The following CTNNA3 variants were observed in gnomAD, a reference collection of about 807,000 sequenced individuals.
CTNNA3 encodes catenin alpha 3.
In CTNNA3, 76 loss-of-function variants were observed where a neutral mutation model predicts 95.7. The observed-to-expected ratio is 0.79, with a 90% CI of 0.66 to 0.96. The LOEUF is 0.96. Among genes scored for constraint, CTNNA3 ranks in the 40% least tolerant of loss-of-function variants. CTNNA3 has a pLI of 0.00. For synonymous variants in CTNNA3, 431 were observed against 374.4 expected (o/e 1.15, Z -1.74); for missense variants, 1,191 against 1,089.8 (o/e 1.09, Z -1.31).
chr10:66,121,476 A>G (rs770434660), intron 13 of CTNNA3, among the ~76,000 whole-genome samples: 3 of 152,098 alleles, frequency 2.0e-5, no homozygotes, highest in Non-Finnish European at 4.4e-5. Flanking sequence ...ATACACACAC[A>G]CACACACTAT....
At chr10:66,994,119 A>G (rs1270639624) in intron 7 of CTNNA3, among the ~76,000 whole-genome samples, 1 of 152,204 alleles carries the variant, frequency 6.6e-6, no homozygotes, top group Non-Finnish European at 1.5e-5. Context: ...AGTAGCATTC[A>G]TGTAGTAAGT....
At chr10:66,430,161 A>G (rs978950214) in intron 11 of CTNNA3, among the ~76,000 whole-genome samples, 1 of 146,820 alleles carries the variant, frequency 6.8e-6, no homozygotes, top group African/African-American at 2.6e-5. Flanking sequence ...CAATTGCTTC[A>G]AAGAGAATGA....
chr10:66,620,892 G>T (rs1408108752), intron 10 of CTNNA3, among the ~76,000 whole-genome samples: 1 of 152,072 alleles, frequency 6.6e-6, no homozygotes, highest in Non-Finnish European at 1.5e-5. Flanking sequence ...CCTAATCTTT[G>T]TTATTTTTCT....
rs950234060 is a variant in CTNNA3, at chr10:66,760,244, A to G, written c.1281+6020T>C. ...GTCCCTTTCCTGGTGAGAAGCTACCACAGTTCTCCAGATATGTTACTGCCA... is the reference window on the plus strand; with the variant it reads ...GTCCCTTTCCTGGTGAGAAGCTACCGCAGTTCTCCAGATATGTTACTGCCA... On this transcript the variant is annotated intron_variant, in intron 9 of 17. Transcript: ENST00000433211. Among the ~76,000 whole-genome samples the G allele has an allele frequency of 2.0e-5, 3 of 152,282 alleles. No individual in the cohort carries two copies. In the East Asian group the frequency reaches 5.8e-4, roughly 29 times the overall value.
intron 17 of CTNNA3, among the ~76,000 whole-genome samples, chr10:65,957,485 C>T (rs569108508): frequency 5.3e-5 from 8 of 152,284 alleles, no homozygotes; most frequent in East Asian, 1.9e-4. Flanking sequence ...TTTCTAGCCT[C>T]GATGGTCTTT....
At chr10:67,584,542 C>G (rs1842550138) in intron 3 of CTNNA3, among the ~76,000 whole-genome samples, 1 of 152,174 alleles carries the variant, frequency 6.6e-6, no homozygotes, top group East Asian at 1.9e-4. Context: ...GGCAGTCTGT[C>G]CATTCTCAGA....
In CTNNA3 at chr10:67,232,184, A is replaced by G. The variant is rs527394012; in HGVS notation, c.580-12314T>C. On this transcript the variant is annotated intron_variant, in intron 5 of 17. Coordinates refer to ENST00000433211, the MANE Select transcript of CTNNA3 (RefSeq NM_013266.4). Reference sequence around the variant, plus strand: ...AACGCCACAAAGACACTCCTCGAGAAGAGCAACTCCAAGACACATAATTGT... The same window carrying G: ...AACGCCACAAAGACACTCCTCGAGAGGAGCAACTCCAAGACACATAATTGT... Among the ~76,000 whole-genome samples, 3 of 152,302 alleles carry G rather than the reference A, an allele frequency of 2.0e-5. No individual in the cohort carries two copies. In the East Asian group the frequency reaches 5.8e-4, roughly 29 times the overall value.
chr10:67,015,038 T>C (rs970744869), intron 7 of CTNNA3, among the ~76,000 whole-genome samples: 1 of 152,094 alleles, frequency 6.6e-6, no homozygotes, highest in African/African-American at 2.4e-5. Flanking sequence ...ACAAGGGCAC[T>C]CCAAAGTTGA....
intron 13 of CTNNA3, among the ~76,000 whole-genome samples, chr10:66,119,344 A>G (rs180892154): frequency 6.6e-6 from 1 of 152,178 alleles, no homozygotes; most frequent in Admixed American, 6.5e-5. Context: ...GAAATTGTTA[A>G]ATTTAATTAC....
intron 7 of CTNNA3, among the ~76,000 whole-genome samples, chr10:67,127,797 T>G (rs1226449827): frequency 2.0e-5 from 3 of 152,172 alleles, no homozygotes; most frequent in Non-Finnish European, 4.4e-5. Flanking sequence ...TCTTCTACAC[T>G]CTGACTTAGA....
chr10:67,236,980 G>A (rs2132319571), intron 5 of CTNNA3, among the ~76,000 whole-genome samples: 1 of 151,022 alleles, frequency 6.6e-6, no homozygotes, highest in East Asian at 2.0e-4. Context: ...CCACTACTAG[G>A]TATCTACCCC....
At chr10:67,143,306 C>T (rs1368287473) in intron 7 of CTNNA3, among the ~76,000 whole-genome samples, 2 of 151,504 alleles carry the variant, frequency 1.3e-5, no homozygotes, top group East Asian at 3.9e-4. Context: ...ACTGTAATCC[C>T]AGCTACTCGA....
At chr10:67,393,366 A>G (rs181313929) in intron 5 of CTNNA3, among the ~76,000 whole-genome samples, 37 of 152,316 alleles carry the variant, frequency 2.4e-4, no homozygotes, top group African/African-American at 8.7e-4. Context: ...CATGGATAAT[A>G]GTATGGTGGA....
At chr10:66,417,855 C>T (rs2093159481) in intron 11 of CTNNA3, among the ~76,000 whole-genome samples, 1 of 151,796 alleles carries the variant, frequency 6.6e-6, no homozygotes, top group African/African-American at 2.4e-5. Flanking sequence ...CTGTGGGATA[C>T]AGCTAAAGTA....
intron 9 of CTNNA3, among the ~76,000 whole-genome samples, chr10:66,652,701 T>C (rs1227680225): frequency 1.3e-5 from 2 of 152,128 alleles, no homozygotes; most frequent in African/African-American, 2.4e-5. Flanking sequence ...TAAAATTACA[T>C]GCCAATATTC....
chr10:67,026,010 A>G (rs985249734), intron 7 of CTNNA3, among the ~76,000 whole-genome samples: 2 of 151,326 alleles, frequency 1.3e-5, no homozygotes, highest in Non-Finnish European at 2.9e-5. Context: ...TCGCAAGGAC[A>G]AAAAACCAAA....
intron 9 of CTNNA3, among the ~76,000 whole-genome samples, chr10:66,700,928 A>G (rs1027387535): frequency 1.3e-5 from 2 of 152,126 alleles, no homozygotes; most frequent in Non-Finnish European, 2.9e-5. Context: ...AGCATTTTAC[A>G]TTTCGTCCCT....
chr10:66,007,864 TC>T (rs995877220), intron 15 of CTNNA3, among the ~76,000 whole-genome samples: 1 of 147,698 alleles, frequency 6.8e-6, no homozygotes, highest in Non-Finnish European at 1.5e-5. Flanking sequence ...CCTTCCTACT[TC>T]CCCTCCTTCC....
intron 2 of CTNNA3, among the ~76,000 whole-genome samples, chr10:67,626,976 C>T (rs544748520): frequency 6.6e-6 from 1 of 152,256 alleles, no homozygotes; most frequent in Non-Finnish European, 1.5e-5. Context: ...TTAATTTAGA[C>T]ATTTTTGCCT....
Sources: gnomAD v4.1 joint callset for allele counts (sites outside exome capture counted in the v4.1 genomes callset) on GRCh38, gnomAD v4.1.1 for gene constraint, MANE v1.5 for transcripts, NCBI Gene and HGNC (gene_info 2026-07-23, HGNC 2026-07-21) for gene names.